FAM185A: variants seen among roughly 807,000 people sequenced by gnomAD.
FAM185A encodes family with sequence similarity 185 member A.
A neutral mutation model predicts 45.7 loss-of-function variants in FAM185A; 21 were observed. The ratio of observed to expected loss-of-function variants is 0.46; its 90% CI spans 0.33 to 0.66. The LOEUF is 0.66. Ranked by LOEUF, FAM185A falls within the 30% of genes least tolerant of loss-of-function variation. The probability of loss-of-function intolerance (pLI) is 0.03; values close to 1 mark genes in which losing one functional copy is unlikely to be tolerated. For synonymous variants in FAM185A, 117 were observed against 194.0 expected (o/e 0.60, Z 3.30); for missense variants, 305 against 485.4 (o/e 0.63, Z 3.49).
the FAM185A span, among the ~76,000 whole-genome samples, chr7:102,819,787 T>C: frequency 1.4e-4 from 21 of 152,266 alleles, no homozygotes; most frequent in East Asian, 4.1e-3. Context: ...CCTGATTAGA[T>C]AGTGAGCATA....
At chr7:102,752,922 A>C (rs1010840838) in intron 2 of FAM185A, among the ~76,000 whole-genome samples, 1 of 150,392 alleles carries the variant, frequency 6.6e-6, no homozygotes, top group Non-Finnish European at 1.5e-5. Context: ...AAATATTTTC[A>C]TTTTTAGATT....
intron 2 of FAM185A, chr7:102,755,763 T>G: frequency 3.3e-6 from 2 of 607,366 alleles, no homozygotes; most frequent in East Asian, 6.6e-5. Flanking sequence ...ACAGGTTAAC[T>G]CAGAAGACAA....
At chr7:102,832,896 C>A in the FAM185A span, 19 of 1,614,096 alleles carry the variant, frequency 1.2e-5, no homozygotes, top group Non-Finnish European at 1.6e-5. Context: ...ATGGCCAGTG[C>A]TTTGATAATC....
At chr7:102,777,934 A>G (rs955169134) in intron 6 of FAM185A, among the ~76,000 whole-genome samples, 18 of 152,228 alleles carry the variant, frequency 1.2e-4, no homozygotes, top group East Asian at 7.7e-4. Flanking sequence ...AAAGCTAAAT[A>G]TGAATTTGTC....
At chr7:102,807,778 G>T (rs1320494785) in intron 7 of FAM185A, among the ~76,000 whole-genome samples, 3 of 151,768 alleles carry the variant, frequency 2.0e-5, no homozygotes, top group Non-Finnish European at 4.4e-5. Flanking sequence ...TACAGAGTAG[G>T]CTGGGCGTGG....
At chr7:102,781,782 C>A (rs1795423393) in intron 6 of FAM185A, among the ~76,000 whole-genome samples, 1 of 152,178 alleles carries the variant, frequency 6.6e-6, no homozygotes, top group Non-Finnish European at 1.5e-5. Context: ...CGGCTCCTCA[C>A]CAGTAACGGA....
At chr7:102,762,719 G>C (rs1468840385) in intron 4 of FAM185A, among the ~76,000 whole-genome samples, 3 of 151,804 alleles carry the variant, frequency 2.0e-5, no homozygotes, top group Admixed American at 6.6e-5. Flanking sequence ...AATAGTTCTG[G>C]AGCCTCAATT....
At chr7:102,778,853 C>G (rs3864632) in intron 6 of FAM185A, among the ~76,000 whole-genome samples, 3 of 152,094 alleles carry the variant, frequency 2.0e-5, no homozygotes, top group East Asian at 1.9e-4. Flanking sequence ...CTTTCTTAAT[C>G]GTTCGCAAAG....
the FAM185A span, chr7:102,827,022 C>G: frequency 2.6e-6 from 1 of 386,332 alleles, no homozygotes; most frequent in South Asian, 1.7e-5. Context: ...CAGCTACTGT[C>G]AGCAAGAAGT....
the FAM185A span, among the ~76,000 whole-genome samples, chr7:102,815,563 T>C: frequency 1.3e-5 from 2 of 152,292 alleles, no homozygotes; most frequent in South Asian, 4.2e-4. Flanking sequence ...AGTTCACAGT[T>C]GTTCATAATC....
intron 4 of FAM185A, among the ~76,000 whole-genome samples, chr7:102,770,645 C>T (rs1476876636): frequency 6.6e-6 from 1 of 152,004 alleles, no homozygotes; most frequent in East Asian, 1.9e-4. Context: ...AAATCAAAAC[C>T]ACAATGAGAT....
chr7:102,800,284 C>A (rs550126863), intron 7 of FAM185A, among the ~76,000 whole-genome samples: 1 of 152,160 alleles, frequency 6.6e-6, no homozygotes, highest in African/African-American at 2.4e-5. Context: ...CAGAGCCTAC[C>A]CAAATGAGAA....
chr7:102,834,416 TTA>T, the FAM185A span, among the ~76,000 whole-genome samples: 8 of 145,508 alleles, frequency 5.5e-5, no homozygotes, highest in South Asian at 2.1e-4. Flanking sequence ...TATATATATA[TTA>T]TATATATGTG....
At chr7:102,767,742 T>C (rs574879161) in intron 4 of FAM185A, among the ~76,000 whole-genome samples, 1 of 152,200 alleles carries the variant, frequency 6.6e-6, no homozygotes, top group South Asian at 2.1e-4. Context: ...ACATAGCCAT[T>C]TGGATCTTCA....
chr7:102,759,993 G>A (rs1427369532), intron 3 of FAM185A, among the ~76,000 whole-genome samples: 1 of 152,016 alleles, frequency 6.6e-6, no homozygotes, highest in African/African-American at 2.4e-5. Flanking sequence ...AGAATCAAAT[G>A]AGCACTATAA....
In FAM185A at chr7:102,749,054, C is replaced by T; in HGVS notation, c.-154C>T. On this transcript the variant is annotated 5_prime_UTR_variant, in exon 1 of 8. Coordinates refer to ENST00000413034, the MANE Select transcript of FAM185A (RefSeq NM_001145268.2). The stretch of plus-strand genomic sequence containing the variant: ...GATTGCGCGGCTGATGTTTAGAACG[C>T]CTAGTCAAGCCAACCGGCTCGCTCT... The T allele has an allele frequency of 8.4e-7, 1 of 1,196,330 alleles. No individual in the cohort carries two copies. The allele number at this position is 1,196,330 out of a possible 1,614,324, so 74.1% of individuals were successfully genotyped here.
At chr7:102,813,210 G>T, downstream of FAM185A, 2 of 787,576 alleles carry the variant, frequency 2.5e-6, no homozygotes, top group Non-Finnish European at 4.0e-6. Context: ...TTTGTAGTTG[G>T]AATAAGAATC....
chr7:102,775,004 G>GT (rs1312235821), intron 5 of FAM185A, among the ~76,000 whole-genome samples: 5 of 76,926 alleles, frequency 6.5e-5, no homozygotes, highest in Admixed American at 4.0e-4. Context: ...GGTGTGTTTT[G>GT]TTTTTGTTTT....
chr7:102,755,935 G>C (rs1360416707), intron 2 of FAM185A: 3 of 633,306 alleles, frequency 4.7e-6, no homozygotes, highest in East Asian at 5.7e-5. Flanking sequence ...ACTAAACTGG[G>C]TTAAATGTAC....
Sources: gnomAD v4.1 joint callset for allele counts (sites outside exome capture counted in the v4.1 genomes callset) on GRCh38, gnomAD v4.1.1 for gene constraint, MANE v1.5 for transcripts, NCBI Gene and HGNC (gene_info 2026-07-23, HGNC 2026-07-21) for gene names.